The following TBXAS1 variants were observed in gnomAD, a reference collection of about 807,000 sequenced individuals.
TBXAS1 encodes the protein thromboxane-A synthase.
A neutral mutation model predicts 60.7 loss-of-function variants in TBXAS1; 48 were observed. That is an observed-to-expected ratio of 0.79 (90% confidence interval 0.63 to 1.01). The LOEUF (loss-of-function observed/expected upper bound fraction) is 1.01, where lower values mean the gene tolerates loss of function less well. TBXAS1 is among the 50% of genes least tolerant of loss of function. TBXAS1 has a pLI of 0.00. For synonymous variants in TBXAS1, 287 were observed against 269.7 expected (o/e 1.06, Z -0.63); for missense variants, 685 against 686.3 (o/e 1.00, Z 0.02).
intron 1 of TBXAS1, among the ~76,000 whole-genome samples, chr7:139,855,244 G>A (rs982707086): frequency 2.6e-5 from 4 of 152,142 alleles, no homozygotes; most frequent in African/African-American, 9.7e-5. Flanking sequence ...CAGGTATTGT[G>A]TTATAAGCAA....
intron 5 of TBXAS1, among the ~76,000 whole-genome samples, chr7:139,938,590 C>G (rs1244371512): frequency 6.6e-6 from 1 of 152,222 alleles, no homozygotes; most frequent in Non-Finnish European, 1.5e-5. Context: ...ACCATGTAGA[C>G]TAGCTGCCTG....
At chr7:139,872,812 G>C (rs1801920465) in intron 2 of TBXAS1, among the ~76,000 whole-genome samples, 1 of 152,164 alleles carries the variant, frequency 6.6e-6, no homozygotes, top group Admixed American at 6.5e-5. Flanking sequence ...GAATTGTTAT[G>C]TGATGGCAAG....
chr7:139,865,858 G>A (rs1801372222), intron 1 of TBXAS1, among the ~76,000 whole-genome samples: 3 of 120,430 alleles, frequency 2.5e-5, no homozygotes, highest in African/African-American at 6.8e-5. Context: ...GAAGGAGGGA[G>A]GGAGGAAGGA....
intron 9 of TBXAS1, among the ~76,000 whole-genome samples, chr7:139,997,444 T>C (rs1012683557): frequency 7.9e-5 from 12 of 152,210 alleles, no homozygotes; most frequent in African/African-American, 2.9e-4. Context: ...GACTCGAATC[T>C]AGTTGATGTT....
At chr7:139,889,347 A>T (rs888035571) in intron 3 of TBXAS1, among the ~76,000 whole-genome samples, 10 of 152,216 alleles carry the variant, frequency 6.6e-5, no homozygotes, top group African/African-American at 2.4e-4. Context: ...AAAATGTCCT[A>T]AAAATGCAGC....
intron 8 of TBXAS1, 66 bp from the exon 9 acceptor site, chr7:139,961,853 T>C: frequency 1.3e-6 from 2 of 1,592,492 alleles, no homozygotes; most frequent in Non-Finnish European, 1.7e-6. Flanking sequence ...TCCTTTGTTC[T>C]CCAGGAAGCC....
chr7:139,919,675 G>C (rs1175680110), intron 4 of TBXAS1, among the ~76,000 whole-genome samples: 1 of 152,224 alleles, frequency 6.6e-6, no homozygotes, highest in Non-Finnish European at 1.5e-5. Flanking sequence ...AGGAGCCAGT[G>C]GTTCTTGTGT....
chr7:139,940,394 A>G (rs553927184), intron 5 of TBXAS1, among the ~76,000 whole-genome samples: 1 of 152,322 alleles, frequency 6.6e-6, no homozygotes, highest in Non-Finnish European at 1.5e-5. Context: ...GGGCTGCATG[A>G]GAATCACCTA....
At chr7:140,014,908 C>CAAAAAAA (rs771922926) in intron 10 of TBXAS1, among the ~76,000 whole-genome samples, 3 of 131,306 alleles carry the variant, frequency 2.3e-5, no homozygotes, top group African/African-American at 9.3e-5. Flanking sequence ...GACCCTGTCT[C>CAAAAAAA]AAAAAAAAAG....
intron 4 of TBXAS1, among the ~76,000 whole-genome samples, chr7:139,926,687 C>T (rs1374930566): frequency 6.6e-6 from 1 of 151,356 alleles, no homozygotes; most frequent in Non-Finnish European, 1.5e-5. Flanking sequence ...TTAGCTCCTG[C>T]TTTTTTAGTT....
At chr7:139,924,953 A>G (rs1254544177) in intron 4 of TBXAS1, among the ~76,000 whole-genome samples, 1 of 152,162 alleles carries the variant, frequency 6.6e-6, no homozygotes, top group East Asian at 1.9e-4. Context: ...CTTTGTGAAA[A>G]TGAGTTCACT....
chr7:139,844,598 T>C (rs574235378), intron 1 of TBXAS1, among the ~76,000 whole-genome samples: 1 of 152,334 alleles, frequency 6.6e-6, no homozygotes, highest in East Asian at 1.9e-4. Context: ...CGATTTACAT[T>C]AGGCTCTTTG....
intron 9 of TBXAS1, among the ~76,000 whole-genome samples, chr7:139,966,992 A>G (rs984034331): frequency 6.6e-6 from 1 of 152,138 alleles, no homozygotes; most frequent in African/African-American, 2.4e-5. Context: ...GACGTGGGGT[A>G]GATGCAAGAC....
In TBXAS1 at chr7:139,896,396, C is replaced by T. The variant is rs1804095200; in HGVS notation, c.237-14829C>T. On this transcript the variant is annotated intron_variant, in intron 3 of 12. Coordinates refer to ENST00000448866, the MANE Select transcript of TBXAS1 (RefSeq NM_001061.7). The surrounding 1 kb of genome is among the most constrained non-coding windows in gnomAD (Gnocchi z 4.0). ...GGTAAATACTTGCAAAGAGGCAGAG[C>T]AGGGGGAATACTGCACATCTGGGGA... 6.6e-6 allele frequency among the ~76,000 whole-genome samples: 1 copy of T among 152,130 alleles called. No individual in the cohort carries two copies. Among genetic ancestry groups the T allele is most frequent in the African/African-American group, 2.4e-5 (1 of 41,424 alleles).
intron 5 of TBXAS1, among the ~76,000 whole-genome samples, chr7:139,947,296 C>A (rs980003575): frequency 6.6e-6 from 1 of 152,208 alleles, no homozygotes; most frequent in Non-Finnish European, 1.5e-5. Flanking sequence ...CCATTATCCT[C>A]AGCTAACTAA....
intron 1 of TBXAS1, among the ~76,000 whole-genome samples, chr7:139,856,741 A>AC (rs1158746261): frequency 6.6e-6 from 1 of 152,232 alleles, no homozygotes; most frequent in Non-Finnish European, 1.5e-5. Flanking sequence ...GACTTCAAAA[A>AC]GTGAAGCAAA....
chr7:140,001,909 G>A (rs941692590), intron 9 of TBXAS1, among the ~76,000 whole-genome samples: 3 of 152,112 alleles, frequency 2.0e-5, no homozygotes, highest in Non-Finnish European at 2.9e-5. Context: ...GGACATTGTC[G>A]CTTCCTCCTC....
At chr7:139,857,916 T>G (rs1346641784) in intron 1 of TBXAS1, among the ~76,000 whole-genome samples, 1 of 151,896 alleles carries the variant, frequency 6.6e-6, no homozygotes, top group Non-Finnish European at 1.5e-5. Context: ...ATTTTTTTTG[T>G]AGAGGTGGGG....
chr7:139,932,110 T>C (rs918398451), intron 4 of TBXAS1, among the ~76,000 whole-genome samples: 5 of 141,736 alleles, frequency 3.5e-5, no homozygotes, highest in African/African-American at 8.1e-5. Context: ...GAGCTTGCAG[T>C]GATCCAAGAT....
Sources: allele counts gnomAD v4.1 joint callset (sites outside exome capture counted in the v4.1 genomes callset), GRCh38; gene constraint gnomAD v4.1.1; non-coding constraint Gnocchi (gnomAD v3.1); transcripts MANE v1.5; gene names NCBI Gene and HGNC (gene_info 2026-07-23, HGNC 2026-07-21).